The following WAC variants were observed in gnomAD, a reference collection of about 807,000 sequenced individuals.
The protein encoded by WAC is WW domain containing adaptor with coiled-coil.
WAC carries 11 observed loss-of-function variants against 79.6 expected under a neutral mutation model. The observed-to-expected ratio is 0.14, with a 90% confidence interval of 0.09 to 0.23. The LOEUF (loss-of-function observed/expected upper bound fraction) is 0.23. Ranked by LOEUF, WAC falls within the 10% of genes least tolerant of loss-of-function variation. WAC has a pLI of 1.00. For missense variants in WAC, 728 were observed against 773.5 expected (o/e 0.94, Z 0.70); for synonymous variants, 304 against 276.9 (o/e 1.10, Z -0.97).
intron 6 of WAC, among the ~76,000 whole-genome samples, chr10:28,594,168 TTTTG>T (rs139435822): frequency 0.22 from 34,014 of 151,868 alleles, 4,583 homozygotes; most frequent in Non-Finnish European, 0.28. Context: ...CTGCTGCCCT[TTTTG>T]TTTTTTTAAT....
chr10:28,559,573 C>T (rs954477468), intron 3 of WAC, among the ~76,000 whole-genome samples: 2 of 152,140 alleles, frequency 1.3e-5, no homozygotes, highest in Non-Finnish European at 2.9e-5. Flanking sequence ...GCATTTGTGA[C>T]AAGCAAGTTT....
intron 3 of WAC, among the ~76,000 whole-genome samples, chr10:28,536,434 C>G (rs890611453): frequency 1.3e-5 from 2 of 152,050 alleles, no homozygotes; most frequent in Non-Finnish European, 2.9e-5. Context: ...TTAAGGTGTT[C>G]AAATCTGTTT....
chr10:28,568,550 T>C (rs936599573), intron 3 of WAC, among the ~76,000 whole-genome samples: 2 of 152,082 alleles, frequency 1.3e-5, no homozygotes, highest in Non-Finnish European at 2.9e-5. Flanking sequence ...CAGGCTAATT[T>C]TTTTTTTTTA....
chr10:28,619,533 T>C lies in WAC; in HGVS notation c.1875-4T>C, dbSNP rs778669307. 12 of 1,572,092 alleles carry C rather than the reference T, an allele frequency of 7.6e-6. No homozygotes were observed. Among genetic ancestry groups the C allele is most frequent in the African/African-American group, 4.2e-5 (3 of 71,744 alleles). On this transcript the variant is annotated splice_region_variant and splice_polypyrimidine_tract_variant and intron_variant, in intron 13 of 13. Transcript: ENST00000354911. ...AGGTTCTAATGTCTGCTTTTTTTTTTCAGGATACTATTTTTGAGACAACAA... is the reference window on the plus strand; with the variant it reads ...AGGTTCTAATGTCTGCTTTTTTTTTCCAGGATACTATTTTTGAGACAACAA...
At chr10:28,538,661 G>A (rs1429709813) in intron 3 of WAC, among the ~76,000 whole-genome samples, 1 of 150,654 alleles carries the variant, frequency 6.6e-6, no homozygotes, top group African/African-American at 2.4e-5. Context: ...AGGTTGAGAT[G>A]GGAAGGTCCT....
chr10:28,540,014 A>T (rs754824055), intron 3 of WAC, among the ~76,000 whole-genome samples: 3 of 152,216 alleles, frequency 2.0e-5, no homozygotes, highest in Non-Finnish European at 4.4e-5. Flanking sequence ...AATATAATTT[A>T]GTAACGTTTG....
intron 6 of WAC, 132 bp from the exon 7 acceptor site, chr10:28,595,601 G>C (rs1030543825): frequency 1.1e-6 from 1 of 917,696 alleles, no homozygotes; most frequent in South Asian, 1.8e-5. Context: ...TGGGTTTGCA[G>C]TTTTATAAAA....
intron 7 of WAC, among the ~76,000 whole-genome samples, chr10:28,600,106 G>A (rs1218708830): frequency 6.6e-6 from 1 of 152,126 alleles, no homozygotes; most frequent in East Asian, 1.9e-4. Flanking sequence ...TCTATTTAGT[G>A]ATTTAGAATT....
Position 28,620,839 on chromosome 10 carries a change from A to C in WAC, c.*1233A>C, listed in dbSNP as rs1366895978. On this transcript the variant is annotated 3_prime_UTR_variant, in exon 14 of 14. Transcript: ENST00000354911. ...ATGTTTGTGTTGTAGCTAACTGTTC[A>C]AGTCTGGTGCTGACTGCTGTTCTTA... 2 of 152,236 alleles carry C rather than the reference A, an allele frequency of 1.3e-5. No homozygotes were observed. The allele number at this position is 152,236 out of a possible 1,614,324, so 9.4% of individuals were successfully genotyped here.
At chr10:28,582,991 G>T (rs1839618037) in intron 3 of WAC, among the ~76,000 whole-genome samples, 1 of 152,094 alleles carries the variant, frequency 6.6e-6, no homozygotes, top group African/African-American at 2.4e-5. Context: ...AAATACAGTT[G>T]CAAAAACATA....
intron 3 of WAC, among the ~76,000 whole-genome samples, chr10:28,562,950 C>CA: frequency 6.6e-6 from 1 of 152,152 alleles, no homozygotes; most frequent in East Asian, 1.9e-4. Flanking sequence ...AAATCTGTAA[C>CA]AATTACTAGT....
intron 3 of WAC, among the ~76,000 whole-genome samples, chr10:28,547,134 G>C (rs1334360173): frequency 6.6e-6 from 1 of 152,022 alleles, no homozygotes; most frequent in Admixed American, 6.5e-5. Flanking sequence ...ATCTTTATTT[G>C]ATTTAGCATT....
rs572189823 is a variant in WAC at position 28,533,158 on chromosome 10, C to T, written c.-422C>T. Among the ~76,000 whole-genome samples, 1 of 151,306 alleles carries T rather than the reference C, an allele frequency of 6.6e-6. No homozygotes were observed. Among genetic ancestry groups the T allele is most frequent in the Admixed American group, 6.6e-5 (1 of 15,182 alleles). ...AGTTGGTGGAGCGGCAGCGGCGGCACCAGCGGCGGCGGCGGCGGCGGGAGG... is the reference window on the plus strand; with the variant it reads ...AGTTGGTGGAGCGGCAGCGGCGGCATCAGCGGCGGCGGCGGCGGCGGGAGG... On this transcript the variant is annotated 5_prime_UTR_variant, in exon 1 of 14. Transcript: ENST00000354911.
intron 5 of WAC, among the ~76,000 whole-genome samples, 189 bp downstream of exon 5, chr10:28,590,040 G>A (rs1249300625): frequency 6.6e-6 from 1 of 152,074 alleles, no homozygotes; most frequent in East Asian, 1.9e-4. Flanking sequence ...AAAAAACCTG[G>A]CTGGGTGCAG....
intron 3 of WAC, among the ~76,000 whole-genome samples, chr10:28,576,756 C>T (rs1589185284): frequency 6.6e-6 from 1 of 152,280 alleles, no homozygotes. Flanking sequence ...CACTAAATAT[C>T]AGCTCACCTT....
intron 3 of WAC, among the ~76,000 whole-genome samples, chr10:28,571,428 G>C (rs1445160793): frequency 6.6e-6 from 1 of 152,110 alleles, no homozygotes; most frequent in Non-Finnish European, 1.5e-5. Flanking sequence ...TACATCGCAG[G>C]TACAGTAACC....
intron 7 of WAC, among the ~76,000 whole-genome samples, chr10:28,597,632 A>C (rs1299411419): frequency 2.0e-5 from 3 of 152,114 alleles, no homozygotes; most frequent in Non-Finnish European, 4.4e-5. Flanking sequence ...ATGACTACCA[A>C]GTCTTTAGTT....
At position 28,608,209 on chromosome 10, in the gene WAC, G is replaced by A. The variant is rs756449412; in HGVS notation, c.943G>A (p.Val315Ile). ...RKESTSGDKPVSHSCTTPSTS... is the reference protein window; with the variant it reads ...RKESTSGDKPISHSCTTPSTS... ...AGAATCTACATCAGGAGACAAACCCGTATCACATTCTTGCACAACTCCTTC... is the reference window on the plus strand; with the variant it reads ...AGAATCTACATCAGGAGACAAACCCATATCACATTCTTGCACAACTCCTTC... The change falls in exon 8 of 14, where the codon GTA becomes ATA. Residue 315 changes from valine to isoleucine, a missense_variant. Val to Ile is a conservative substitution (Grantham distance 29, BLOSUM62 3). This residue lies in a region of WAC where 648 missense variants were observed against 661.5 expected (regional missense o/e 0.98). Transcript: ENST00000354911. 36 of 1,613,924 alleles carry A rather than the reference G, an allele frequency of 2.2e-5. No individual in the cohort carries two copies. The highest frequency in any genetic ancestry group is 1.8e-4 in the East Asian group (8 of 44,892).
rs756526379 is a variant in WAC at position 28,535,541 on chromosome 10, T to TG, written c.79-14dup. On this transcript the variant is annotated intron_variant, in intron 2 of 13. Coordinates refer to ENST00000354911, the MANE Select transcript of WAC (RefSeq NM_016628.5). Reference sequence around the variant, plus strand: ...GGTTTCAATTCTTTCTCTCTTTTTTTGGGGGGGTGATGTTTTACAGGCACT... The same window carrying TG: ...GGTTTCAATTCTTTCTCTCTTTTTTTGGGGGGGGTGATGTTTTACAGGCACT... 897 of 1,529,968 alleles carry TG rather than the reference T, an allele frequency of 5.9e-4. 1 individual carries two copies. Among genetic ancestry groups the TG allele is most frequent in the Non-Finnish European group, 7.2e-4 (817 of 1,133,440 alleles). 94.8% of individuals were successfully genotyped at this position (1,529,968 alleles called of 1,614,324 possible). A position where few individuals can be genotyped will look rare whatever the true frequency, so the allele number is the denominator to read the frequency against.
Sources: gnomAD v4.1 joint callset for allele counts (sites outside exome capture counted in the v4.1 genomes callset) on GRCh38, gnomAD v4.1.1 for gene constraint, gnomAD v4.1.1 regional missense constraint, MANE v1.5 for transcripts, NCBI Gene and HGNC (gene_info 2026-07-23, HGNC 2026-07-21) for gene names.